Variants in SNTB1 observed in about 807,000 individuals in gnomAD.
SNTB1 encodes beta-1-syntrophin.
Under a neutral mutation model 48.9 loss-of-function variants are expected in SNTB1, and 36 were observed. The ratio of observed to expected loss-of-function variants is 0.74; its 90% CI spans 0.56 to 0.97. SNTB1 has a LOEUF of 0.97. Among genes scored for constraint, SNTB1 ranks in the 50% least tolerant of loss-of-function variants. The pLI, the probability that SNTB1 is intolerant of heterozygous loss-of-function variation, is 0.00. For synonymous variants in SNTB1, 299 were observed against 294.6 expected (o/e 1.01, Z -0.15); for missense variants, 786 against 703.4 (o/e 1.12, Z -1.33).
At chr8:120,553,439 T>C (rs890853374) in intron 4 of SNTB1, among the ~76,000 whole-genome samples, 3 of 152,188 alleles carry the variant, frequency 2.0e-5, no homozygotes, top group African/African-American at 7.2e-5. Flanking sequence ...TATGCTGTAA[T>C]AAAAGGATAC....
intron 2 of SNTB1, among the ~76,000 whole-genome samples, chr8:120,677,493 G>C (rs1371681781): frequency 5.3e-5 from 8 of 152,118 alleles, no homozygotes; most frequent in Admixed American, 4.6e-4. Context: ...CCAAACGGCT[G>C]TTTTATACTT....
rs1014198565 is a variant in SNTB1, at chr8:120,535,843, G to C, written c.*3034C>G. 3.3e-5 allele frequency: 5 copies of C among 152,032 alleles called. No individual in the cohort carries two copies. The highest frequency in any genetic ancestry group is 4.8e-5 in the African/African-American group (2 of 41,378). The allele number at this position is 152,032 out of a possible 1,614,324, so 9.4% of individuals were successfully genotyped here. ...TATAGGCACATTTTTTAAAAGTCCAGATACATCCAAAAATTACCCCCTCAC... is the reference window on the plus strand; with the variant it reads ...TATAGGCACATTTTTTAAAAGTCCACATACATCCAAAAATTACCCCCTCAC... On this transcript the variant is annotated 3_prime_UTR_variant, in exon 7 of 7. Coordinates refer to ENST00000517992, the MANE Select transcript of SNTB1 (RefSeq NM_021021.4).
chr8:120,765,978 C>T (rs1411756439), intron 1 of SNTB1: 1 of 152,126 alleles, frequency 6.6e-6, no homozygotes, highest in Admixed American at 6.5e-5. Context: ...ATTTGTAAAG[C>T]CACTACAGTT....
intron 3 of SNTB1, among the ~76,000 whole-genome samples, chr8:120,603,684 T>C (rs1816462600): frequency 6.6e-6 from 1 of 152,218 alleles, no homozygotes; most frequent in East Asian, 1.9e-4. Context: ...GACACGACAC[T>C]GTGCCCATAT....
At chr8:120,800,930 T>C (rs534044186) in intron 1 of SNTB1, among the ~76,000 whole-genome samples, 5 of 152,204 alleles carry the variant, frequency 3.3e-5, no homozygotes, top group African/African-American at 4.8e-5. Flanking sequence ...TATTAAAATA[T>C]ATTCTAGTAT....
chr8:120,683,300 C>T (rs1303578210), intron 2 of SNTB1, among the ~76,000 whole-genome samples: 3 of 152,150 alleles, frequency 2.0e-5, no homozygotes, highest in Non-Finnish European at 4.4e-5. Flanking sequence ...AATTCCACTG[C>T]TGTGTTTCAG....
chr8:120,602,198 T>C (rs1587021660), intron 3 of SNTB1, among the ~76,000 whole-genome samples: 7 of 152,220 alleles, frequency 4.6e-5, no homozygotes. Flanking sequence ...AATGAAGGCA[T>C]TGAAAATCAC....
At chr8:120,772,686 A>G (rs1420924229) in intron 1 of SNTB1, among the ~76,000 whole-genome samples, 1 of 152,142 alleles carries the variant, frequency 6.6e-6, no homozygotes, top group African/African-American at 2.4e-5. Context: ...AACAACCCAC[A>G]CTGTATATAC....
At chr8:120,757,383 A>G (rs1381961357) in intron 1 of SNTB1, among the ~76,000 whole-genome samples, 1 of 152,188 alleles carries the variant, frequency 6.6e-6, no homozygotes, top group Non-Finnish European at 1.5e-5. Context: ...AAAGGAGGAA[A>G]TAAGAAGTCT....
intron 3 of SNTB1, among the ~76,000 whole-genome samples, chr8:120,630,026 G>T (rs190123944): frequency 6.6e-6 from 1 of 152,334 alleles, no homozygotes; most frequent in South Asian, 2.1e-4. Context: ...TAGTGGTAAT[G>T]ATTTTAAACA....
Position 120,693,737 on chromosome 8 carries a change from AT to A in SNTB1, c.742del (p.Met248CysfsTer29). ...HRDRKSIPLK[M>X]CYVTRSMALA... ...GGCCATACTCCGAGTGACGTAGCAC[AT>A]TTTGAGGGGGATGCTTTTCCGGTCT... On this transcript the variant is annotated frameshift_variant, in exon 2 of 7. Transcript: ENST00000517992. LOFTEE classifies it high-confidence loss of function. The A allele has an allele frequency of 6.2e-7, 1 of 1,613,688 alleles. No individual in the cohort carries two copies.
chr8:120,800,209 C>T (rs1820198463), intron 1 of SNTB1, among the ~76,000 whole-genome samples: 1 of 152,026 alleles, frequency 6.6e-6, no homozygotes, highest in Admixed American at 6.6e-5. Context: ...TAGTACCTAT[C>T]ACATGCTTAG....
intron 2 of SNTB1, among the ~76,000 whole-genome samples, chr8:120,678,557 G>A (rs899895347): frequency 6.6e-6 from 1 of 152,140 alleles, no homozygotes; most frequent in African/African-American, 2.4e-5. Context: ...TATCACAGTG[G>A]CTAAAAGAAA....
intron 2 of SNTB1, among the ~76,000 whole-genome samples, chr8:120,649,777 C>G (rs1194335333): frequency 1.3e-5 from 2 of 152,196 alleles, no homozygotes; most frequent in Non-Finnish European, 2.9e-5. Flanking sequence ...TAGCTGCCAC[C>G]TTGCAGTTGG....
intron 1 of SNTB1, among the ~76,000 whole-genome samples, chr8:120,718,723 A>T (rs1458117634): frequency 6.6e-6 from 1 of 152,028 alleles, no homozygotes; most frequent in Non-Finnish European, 1.5e-5. Flanking sequence ...GCTGAGTAGG[A>T]GGTACTTTGC....
chr8:120,754,074 C>T (rs1819269671), intron 1 of SNTB1, among the ~76,000 whole-genome samples: 1 of 152,170 alleles, frequency 6.6e-6, no homozygotes, highest in African/African-American at 2.4e-5. Flanking sequence ...AAGTCTTCTA[C>T]TTCTGGCCTG....
At chr8:120,679,351 G>T (rs902875951) in intron 2 of SNTB1, among the ~76,000 whole-genome samples, 11 of 152,086 alleles carry the variant, frequency 7.2e-5, no homozygotes, top group African/African-American at 2.7e-4. Flanking sequence ...AAATGCAGTC[G>T]TACTCTAAGT....
chr8:120,623,806 C>G (rs901869692), intron 3 of SNTB1, among the ~76,000 whole-genome samples: 1 of 152,198 alleles, frequency 6.6e-6, no homozygotes, highest in Non-Finnish European at 1.5e-5. Flanking sequence ...TGGAACACAT[C>G]TATTTCATAA....
chr8:120,577,448 T>C (rs1423642719), intron 3 of SNTB1, among the ~76,000 whole-genome samples: 1 of 152,240 alleles, frequency 6.6e-6, no homozygotes, highest in Non-Finnish European at 1.5e-5. Flanking sequence ...TGTACCAGAC[T>C]CTGCAAGGTG....
Sources: gnomAD v4.1 joint callset for allele counts (sites outside exome capture counted in the v4.1 genomes callset) on GRCh38, gnomAD v4.1.1 for gene constraint, MANE v1.5 for transcripts, NCBI Gene and HGNC (gene_info 2026-07-23, HGNC 2026-07-21) for gene names.